PPP1R14C: variants seen among roughly 807,000 people sequenced by gnomAD.
PPP1R14C encodes protein phosphatase 1 regulatory inhibitor subunit 14C, also known as protein phosphatase 1 regulatory subunit 14C.
A neutral mutation model predicts 20.4 loss-of-function variants in PPP1R14C; 16 were observed. That is an observed-to-expected ratio of 0.78 (90% confidence interval 0.53 to 1.19). The LOEUF (loss-of-function observed/expected upper bound fraction) is 1.19. Ranked by LOEUF, PPP1R14C falls within the 50% of genes most tolerant of loss-of-function variation. PPP1R14C has a pLI of 0.00. For synonymous variants in PPP1R14C, 91 were observed against 91.0 expected, an observed-to-expected ratio of 1.00 and a Z score of 0.00; for missense variants, 211 against 220.1, an observed-to-expected ratio of 0.96 and a Z score of 0.26.
At chr6:150,235,421 G>T (rs140866799) in intron 3 of PPP1R14C, among the ~76,000 whole-genome samples, 1 of 152,356 alleles carries the variant, frequency 6.6e-6, no homozygotes, top group East Asian at 1.9e-4. Context: ...GATAGTCATG[G>T]TGGTTTCCTG....
intron 1 of PPP1R14C, among the ~76,000 whole-genome samples, chr6:150,202,706 T>C (rs1012117832): frequency 6.6e-6 from 1 of 152,202 alleles, no homozygotes; most frequent in Non-Finnish European, 1.5e-5. Context: ...CTGAAGGTCA[T>C]TGTATGACTC....
At chr6:150,237,125 T>C (rs1260900998) in intron 3 of PPP1R14C, among the ~76,000 whole-genome samples, 1 of 151,050 alleles carries the variant, frequency 6.6e-6, no homozygotes, top group Non-Finnish European at 1.5e-5. Context: ...TGTCAAACCT[T>C]TCCCATGGCG....
chr6:150,160,281 T>G (rs1582897351), intron 1 of PPP1R14C, among the ~76,000 whole-genome samples: 1 of 105,702 alleles, frequency 9.5e-6, no homozygotes, highest in Admixed American at 1.1e-4. Flanking sequence ...TTTTTTTTTT[T>G]TGAGACGGAG....
chr6:150,246,686 C>A (rs1390020319), intron 3 of PPP1R14C, among the ~76,000 whole-genome samples: 3 of 152,118 alleles, frequency 2.0e-5, no homozygotes, highest in South Asian at 2.1e-4. Flanking sequence ...AAGCTACAGA[C>A]AAAAATTTAT....
intron 1 of PPP1R14C, among the ~76,000 whole-genome samples, chr6:150,188,312 T>A (rs961554815): frequency 6.6e-6 from 1 of 152,230 alleles, no homozygotes; most frequent in African/African-American, 2.4e-5. Context: ...CTTAATTAAA[T>A]GATCAGACAA....
intron 1 of PPP1R14C, among the ~76,000 whole-genome samples, chr6:150,200,497 A>T (rs1777863830): frequency 6.6e-6 from 1 of 152,024 alleles, no homozygotes; most frequent in Non-Finnish European, 1.5e-5. Flanking sequence ...TCCTGTTCTC[A>T]GTCTGGGGAG....
In PPP1R14C at chr6:150,249,859, AT is replaced by A. The variant is rs1393464226; in HGVS notation, c.*1041del. Reference sequence around the variant, plus strand: ...AAGTGTCAAGGTGAGAAAGCCTCACATTCTCTCAAGACAGTTGCTCTAGGAG... The same window carrying A: ...AAGTGTCAAGGTGAGAAAGCCTCACATCTCTCAAGACAGTTGCTCTAGGAG... On this transcript the variant is annotated 3_prime_UTR_variant, in exon 4 of 4. Transcript: ENST00000361131. The A allele has an allele frequency of 1.6e-5, 4 of 252,736 alleles. No individual in the cohort carries two copies. The highest frequency in any genetic ancestry group is 6.6e-5 in the African/African-American group (3 of 45,286). The allele number at this position is 252,736 out of a possible 1,614,324, so 15.7% of individuals were successfully genotyped here.
chr6:150,176,412 C>T (rs1378525460), intron 1 of PPP1R14C, among the ~76,000 whole-genome samples: 1 of 152,190 alleles, frequency 6.6e-6, no homozygotes, highest in Non-Finnish European at 1.5e-5. Flanking sequence ...CCAGTCAATG[C>T]CTTTAGGATT....
chr6:150,216,587 T>C (rs1307565158), intron 2 of PPP1R14C, among the ~76,000 whole-genome samples: 1 of 152,192 alleles, frequency 6.6e-6, no homozygotes, highest in African/African-American at 2.4e-5. Flanking sequence ...ATTTTCCTGT[T>C]CAAAAAACTT....
chr6:150,194,693 G>A, intron 1 of PPP1R14C: 1 of 985,412 alleles, frequency 1.0e-6, no homozygotes, highest in Non-Finnish European at 1.2e-6. Flanking sequence ...TGGTGAATCT[G>A]ATAAAATGAT....
chr6:150,209,927 G>A (rs891555523), intron 1 of PPP1R14C, among the ~76,000 whole-genome samples: 1 of 151,898 alleles, frequency 6.6e-6, no homozygotes, highest in Non-Finnish European at 1.5e-5. Flanking sequence ...GTGTATGTGT[G>A]TGTGCATGTG....
chr6:150,147,071 A>C (rs1057461193), intron 1 of PPP1R14C, among the ~76,000 whole-genome samples: 1 of 150,962 alleles, frequency 6.6e-6, no homozygotes, highest in African/African-American at 2.4e-5. Context: ...TTATAATGTA[A>C]CCATTAGACT....
intron 3 of PPP1R14C, among the ~76,000 whole-genome samples, chr6:150,245,155 C>T (rs1439561991): frequency 6.6e-6 from 1 of 152,192 alleles, no homozygotes; most frequent in Non-Finnish European, 1.5e-5. Context: ...CTCAGTCCAG[C>T]AGCAAGGTCT....
rs1582915853 is a variant in PPP1R14C at position 150,202,000 on chromosome 6, G to A, written c.307-12744G>A. On this transcript the variant is annotated intron_variant, in intron 1 of 3. Transcript: ENST00000361131. This position sits in a 1 kb window ranked among gnomAD's most constrained non-coding sequence, Gnocchi z 4.2. The stretch of plus-strand genomic sequence containing the variant: ...CCCTTTGCTCTGCTCATTTCACAAG[G>A]CAGCTCTGGTTAAATGACTTTTTAT... Among the ~76,000 whole-genome samples, 1 of 152,160 alleles carries A rather than the reference G, an allele frequency of 6.6e-6. No homozygotes were observed. The highest frequency in any genetic ancestry group is 2.4e-5 in the African/African-American group (1 of 41,422).
intron 1 of PPP1R14C, among the ~76,000 whole-genome samples, chr6:150,170,531 C>T (rs1777485541): frequency 6.6e-6 from 1 of 151,996 alleles, no homozygotes; most frequent in Non-Finnish European, 1.5e-5. Flanking sequence ...AATGTGTTAG[C>T]CAGGATGGTC....
rs117819156 is a variant in PPP1R14C at position 150,181,250 on chromosome 6, C to T, written c.307-33494C>T. On this transcript the variant is annotated intron_variant, in intron 1 of 3. Coordinates refer to ENST00000361131, the MANE Select transcript of PPP1R14C (RefSeq NM_030949.3). ...GGAGTGCAGTGGCGCGATCTCATCT[C>T]ACTGCAACCTCCACCTCTCGGGTTT... Among the ~76,000 whole-genome samples the T allele has an allele frequency of 6.9e-3, 1,057 of 152,280 alleles. 20 individuals are homozygous for T. Among genetic ancestry groups the T allele is most frequent in the Admixed American group, 0.034 (523 of 15,292 alleles).
rs577869928 is a variant in PPP1R14C, at chr6:150,152,119, CA to C, written c.306+8649del. Among the ~76,000 whole-genome samples the C allele has an allele frequency of 3.5e-3, 301 of 84,790 alleles. 1 individual carries two copies. Among genetic ancestry groups the C allele is most frequent in the South Asian group, 9.4e-3 (29 of 3,080 alleles). 55.6% of individuals were successfully genotyped at this position (84,790 alleles called of 152,430 possible). On this transcript the variant is annotated intron_variant, in intron 1 of 3. Transcript: ENST00000361131. ...TGGGCGACAGAGCGAGACTCCGTCT[CA>C]AAAAAAAAAAAAAAAAAAAAAAAAA...
intron 1 of PPP1R14C, among the ~76,000 whole-genome samples, chr6:150,208,040 C>T (rs574866803): frequency 2.0e-5 from 3 of 152,250 alleles, no homozygotes; most frequent in Admixed American, 6.5e-5. Flanking sequence ...TAACAACCAG[C>T]GCCTCATGAG....
intron 3 of PPP1R14C, 59 bp from the exon 4 acceptor site, chr6:150,248,686 AT>A: frequency 8.2e-7 from 1 of 1,213,314 alleles, no homozygotes; most frequent in Non-Finnish European, 1.2e-6. Flanking sequence ...CTTTAAGCAG[AT>A]TTTTAAACAC....
Sources: gnomAD v4.1 joint callset for allele counts (sites outside exome capture counted in the v4.1 genomes callset) on GRCh38, gnomAD v4.1.1 for gene constraint, Gnocchi (gnomAD v3.1) non-coding constraint, MANE v1.5 for transcripts, NCBI Gene and HGNC (gene_info 2026-07-23, HGNC 2026-07-21) for gene names.